Variants in TBXT observed in about 807,000 individuals in gnomAD.
The protein encoded by TBXT is T brachyury transcription factor.
Under a neutral mutation model 41.1 loss-of-function variants are expected in TBXT, and 19 were observed. That is an observed-to-expected ratio of 0.46 (90% CI 0.32 to 0.68). The LOEUF (loss-of-function observed/expected upper bound fraction) is 0.68. Ranked by LOEUF, TBXT falls within the 30% of genes least tolerant of loss-of-function variation. The pLI is 0.03. For missense variants in TBXT, 536 were observed against 582.0 expected (o/e 0.92, Z 0.81); for synonymous variants, 213 against 238.9 (o/e 0.89, Z 1.00).
chr6:166,167,240 C>A, intron 1 of TBXT, 146 bp downstream of exon 1: 1 of 930,510 alleles, frequency 1.1e-6, no homozygotes, highest in South Asian at 1.5e-5. Flanking sequence ...TGTAGAAATG[C>A]ACTCGAGGGA....
Position 166,166,829 on chromosome 6 carries a change from G to A in TBXT, c.234C>T (p.Asn78=), listed in dbSNP as rs1779133002. The A allele has an allele frequency of 1.2e-6, 2 of 1,613,856 alleles. No homozygotes were observed. Among genetic ancestry groups the A allele is most frequent in the Non-Finnish European group, 1.7e-6 (2 of 1,180,050 alleles). ...TGGCGTTGGGGTCCAGGCCAGACAC[G>A]TTCACCTTCAGCACCGGAAACATCC... ...GRRMFPVLKV[N]VSGLDPNAMY... is the part of the protein sequence containing the mutation. The change falls in exon 2 of 8, where the codon AAC becomes AAT. Residue 78 remains asparagine (N), a synonymous_variant. Transcript: ENST00000366876.
At position 166,166,530 on chromosome 6, in the gene TBXT, CAGAAGG is replaced by C; in HGVS notation, c.471+56_471+61del. ...AGCGTCCCTTCCCACAACCCCCGTG[CAGAAGG>C]CGCAGCGCGGCCCCCTCCTCGCTGG... is the stretch of plus-strand genomic sequence containing the variant. On this transcript the variant is annotated intron_variant, in intron 2 of 7. Coordinates refer to ENST00000366876, the MANE Select transcript of TBXT (RefSeq NM_001366285.2). 1.9e-6 allele frequency: 3 copies of C among 1,610,794 alleles called. No homozygotes were observed. The East Asian group carries it at 6.7e-5, about 36-fold the overall frequency.
intron 1 of TBXT, 102 bp downstream of exon 1, chr6:166,167,284 C>T: frequency 1.5e-6 from 2 of 1,348,074 alleles, no homozygotes; most frequent in South Asian, 2.4e-5. Flanking sequence ...CAAAGCCCTC[C>T]TCCAGGAGAA....
At chr6:166,166,079 A>C (rs1408435005) in intron 2 of TBXT, among the ~76,000 whole-genome samples, 1 of 152,192 alleles carries the variant, frequency 6.6e-6, no homozygotes, top group Admixed American at 6.5e-5. Context: ...TGCTCATCAC[A>C]AAATCCTTTC....
upstream of TBXT, chr6:166,167,915 C>G: frequency 4.6e-6 from 2 of 432,054 alleles, no homozygotes; most frequent in South Asian, 2.4e-5. Flanking sequence ...GGGTGCTCGG[C>G]GGATTGGGCC....
chr6:166,161,847 C>T (rs9459595), intron 6 of TBXT, among the ~76,000 whole-genome samples: 26,316 of 152,222 alleles, frequency 0.17, 2,449 homozygotes, highest in Non-Finnish European at 0.21. Flanking sequence ...GGCGTGAACC[C>T]GAGAGGCGGA....
chr6:166,165,746 T>G lies in TBXT; in HGVS notation c.566A>C (p.Glu189Ala). The change falls in exon 3 of 8, where the codon GAG becomes GCG. Residue 189 changes from glutamate to alanine, a missense_variant. Coordinates refer to ENST00000366876, the MANE Select transcript of TBXT (RefSeq NM_001366285.2). ...QRMITSHCFPETQFIAVTAYQ... is the reference protein window; with the variant it reads ...QRMITSHCFPATQFIAVTAYQ... ...AGCAGTCACCGCTATGAACTGGGTC[T>G]CAGGGAAGCAGTGGCTGGTGATCAT... 1.2e-6 allele frequency: 2 copies of G among 1,614,210 alleles called. No individual in the cohort carries two copies.
rs1204423832 is a variant in TBXT at position 166,165,718 on chromosome 6, A to G, written c.594T>C (p.Tyr198=). Residue 198 remains tyrosine, a synonymous_variant, in exon 3 of 8, where the codon TAT becomes TAC. Transcript: ENST00000366876. ...CTGTCCTTCTCACCTCCTCGTTCTG[A>G]TAAGCAGTCACCGCTATGAACTGGG... is the stretch of plus-strand genomic sequence containing the variant. The part of the protein sequence containing the change: ...PETQFIAVTA[Y]QNEEITALKI... 1 of 1,614,062 alleles carries G rather than the reference A, an allele frequency of 6.2e-7. No homozygotes were observed. The highest frequency in any genetic ancestry group is 8.5e-7 in the Non-Finnish European group (1 of 1,180,010).
upstream of TBXT, chr6:166,167,880 A>T: frequency 1.9e-6 from 1 of 521,738 alleles, no homozygotes; most frequent in Non-Finnish European, 3.5e-6. Flanking sequence ...CCCTCCCCAT[A>T]AATAGAGCCG....
At chr6:166,159,339 G>T (rs553686168) in intron 7 of TBXT, among the ~76,000 whole-genome samples, 2 of 150,974 alleles carry the variant, frequency 1.3e-5, no homozygotes, top group South Asian at 2.1e-4. Flanking sequence ...TTCTCACGAT[G>T]AAGACCAGCC....
chr6:166,167,051 C>T (rs1004002135), intron 1 of TBXT, among the ~76,000 whole-genome samples, 195 bp from the exon 2 acceptor site: 14 of 152,178 alleles, frequency 9.2e-5, no homozygotes, highest in African/African-American at 3.1e-4. Flanking sequence ...TCCACGGCCT[C>T]GGGAGGGAGG....
intron 5 of TBXT, among the ~76,000 whole-genome samples, chr6:166,163,686 T>C (rs1229597623): frequency 1.3e-5 from 2 of 152,110 alleles, no homozygotes; most frequent in Non-Finnish European, 2.9e-5. Context: ...GCCCGTCCTC[T>C]TCTACACTCT....
In TBXT at chr6:166,162,616, C is replaced by A. The variant is rs1357771339; in HGVS notation, c.738G>T (p.Gly246=). Reference sequence around the variant, plus strand: ...GGGTGCTGGTTCCAGGAAGAAGCCACCCCCCTGCTGTGAGAAAAGACAGTG... The same window carrying A: ...GGGTGCTGGTTCCAGGAAGAAGCCAACCCCCTGCTGTGAGAAAAGACAGTG... The part of the protein sequence containing the change: ...SQQPGYSQSG[G]WLLPGTSTLC... The change falls in exon 6 of 8, where the codon GGG becomes GGT. Residue 246 remains glycine (G), a synonymous_variant. Transcript: ENST00000366876. 6.2e-7 allele frequency: 1 copy of A among 1,611,440 alleles called. No individual in the cohort carries two copies.
At position 166,157,956 on chromosome 6, in the gene TBXT, A is replaced by G; in HGVS notation, c.*359T>C. The stretch of plus-strand genomic sequence containing the variant: ...CTAAAGTAGGACTGGTGGAGTTTAC[A>G]AATTCTGGTGTGCCAAAGTTGCCAA... On this transcript the variant is annotated 3_prime_UTR_variant, in exon 8 of 8. Transcript: ENST00000366876. 2.7e-6 allele frequency: 1 copy of G among 371,908 alleles called. No individual in the cohort carries two copies. The highest frequency in any genetic ancestry group is 5.1e-6 in the Non-Finnish European group (1 of 196,932). 23.0% of individuals were successfully genotyped at this position (371,908 alleles called of 1,614,324 possible). A position where few individuals can be genotyped will look rare whatever the true frequency, so the allele number is the denominator to read the frequency against.
rs1363366227 is a variant in TBXT, at chr6:166,167,613, C to G, written c.-22G>C. The G allele has an allele frequency of 6.5e-7, 1 of 1,541,522 alleles. No individual in the cohort carries two copies. Among genetic ancestry groups the G allele is most frequent in the South Asian group, 1.2e-5 (1 of 84,438 alleles). Reference sequence around the variant, plus strand: ...TCATCCTCCCGTCCGGCTCCCCTCCCCGCCGTCCCCGAAGCCCAGACTCGC... The same window carrying G: ...TCATCCTCCCGTCCGGCTCCCCTCCGCGCCGTCCCCGAAGCCCAGACTCGC... On this transcript the variant is annotated 5_prime_UTR_variant, in exon 1 of 8. Transcript: ENST00000366876.
chr6:166,167,725 T>A lies in TBXT; in HGVS notation c.-134A>T. 1 of 1,172,940 alleles carries A rather than the reference T, an allele frequency of 8.5e-7. No individual in the cohort carries two copies. The highest frequency in any genetic ancestry group is 1.2e-6 in the Non-Finnish European group (1 of 830,918). 72.7% of individuals were successfully genotyped at this position (1,172,940 alleles called of 1,614,324 possible). ...ACCGAGACCTGCGACGGCTCCCGGG[T>A]CCCGGGTCCCGGCACAGACCCGGGA... On this transcript the variant is annotated 5_prime_UTR_variant, in exon 1 of 8. Transcript: ENST00000366876.
At position 166,167,650 on chromosome 6, in the gene TBXT, C is replaced by T; in HGVS notation, c.-59G>A. The stretch of plus-strand genomic sequence containing the variant: ...AAGCCCAGACTCGCTACCTGAGATC[C>T]ACCTTCCCTGCTCTTGGCCGCCGCC... On this transcript the variant is annotated 5_prime_UTR_variant, in exon 1 of 8. Transcript: ENST00000366876. 1 of 1,535,016 alleles carries T rather than the reference C, an allele frequency of 6.5e-7. No individual in the cohort carries two copies.
At position 166,166,967 on chromosome 6, in the gene TBXT, G is replaced by C. The variant is rs1175894044; in HGVS notation, c.207-111C>G. The C allele has an allele frequency of 3.2e-6, 5 of 1,565,076 alleles. No homozygotes were observed. In the African/African-American group the frequency reaches 6.7e-5, roughly 21 times the overall value. ...TTTCGGGGCACAGAGGAGCCCCCTG[G>C]GGAACGTCCGAGGGTGACTCCCAAG... On this transcript the variant is annotated intron_variant, in intron 1 of 7. Transcript: ENST00000366876.
intron 3 of TBXT, among the ~76,000 whole-genome samples, chr6:166,165,346 C>A (rs868852032): frequency 6.6e-6 from 1 of 152,092 alleles, no homozygotes; most frequent in Non-Finnish European, 1.5e-5. Flanking sequence ...GCCCCCCCAC[C>A]CTTTGGGGAA....
Sources: allele counts gnomAD v4.1 joint callset (sites outside exome capture counted in the v4.1 genomes callset), GRCh38; gene constraint gnomAD v4.1.1; transcripts MANE v1.5; gene names NCBI Gene and HGNC (gene_info 2026-07-23, HGNC 2026-07-21).